Variants in SIRPD observed in about 807,000 individuals in gnomAD.
SIRPD encodes signal-regulatory protein delta.
In SIRPD, 21 loss-of-function variants were observed where a neutral mutation model predicts 18.0. The observed-to-expected ratio is 1.17, with a 90% CI of 0.83 to 1.68. SIRPD has a LOEUF of 1.68. Ranked by LOEUF, SIRPD falls within the 40% of genes most tolerant of loss-of-function variation. The pLI is 0.00. For synonymous variants in SIRPD, 106 were observed against 92.9 expected (o/e 1.14, Z -0.81); for missense variants, 295 against 238.4 (o/e 1.24, Z -1.56).
intron 2 of SIRPD, 40 bp downstream of exon 2, chr20:1,551,651 T>TTATA: frequency 6.8e-7 from 1 of 1,461,944 alleles, no homozygotes; most frequent in South Asian, 1.2e-5. Flanking sequence ...TGAGATGATA[T>TTATA]TATACACCAG....
At chr20:1,537,341 T>C in intron 2 of SIRPD, 31 bp from the exon 3 acceptor site, 6 of 1,603,000 alleles carry the variant, frequency 3.7e-6, no homozygotes, top group Non-Finnish European at 5.1e-6. Context: ...ATGTGTTCCA[T>C]GATATAAGAG....
At position 1,552,007 on chromosome 20, in the gene SIRPD, C is replaced by T. The variant is rs746599602; in HGVS notation, c.105G>A (p.Thr35=). Residue 35 remains threonine (T), a synonymous_variant, in exon 2 of 4, where the codon ACG becomes ACA. Coordinates refer to ENST00000381623, the MANE Select transcript of SIRPD (RefSeq NM_178460.3). ...CAGTTGATACAGTCTGTGACATCTC[C>T]GTTTGTTGCACATGGAACACATGTG... ...GVTHVFHVQQ[T]EMSQTVSTGE... 2.3e-5 allele frequency: 37 copies of T among 1,613,720 alleles called. No homozygotes were observed. Among genetic ancestry groups the T allele is most frequent in the African/African-American group, 8.0e-5 (6 of 74,896 alleles).
At chr20:1,535,851 C>A (rs773049865) in intron 3 of SIRPD, among the ~76,000 whole-genome samples, 2 of 152,144 alleles carry the variant, frequency 1.3e-5, no homozygotes, top group Non-Finnish European at 2.9e-5. Flanking sequence ...TGTTGTGATA[C>A]TGAAACCTGA....
At chr20:1,556,788 C>T (rs56140941) in intron 1 of SIRPD, among the ~76,000 whole-genome samples, 8,355 of 152,290 alleles carry the variant, frequency 0.055, 265 homozygotes, top group Non-Finnish European at 0.075. Context: ...CCTCACAGTC[C>T]TCAGAAAGAA....
chr20:1,547,693 T>A (rs146603216), intron 2 of SIRPD, among the ~76,000 whole-genome samples: 48 of 152,324 alleles, frequency 3.2e-4, no homozygotes, highest in Non-Finnish European at 2.4e-4. Context: ...TAGGTTGGGA[T>A]TCTGATAAGG....
At chr20:1,542,338 C>T (rs141131652) in intron 2 of SIRPD, among the ~76,000 whole-genome samples, 27 of 152,152 alleles carry the variant, frequency 1.8e-4, no homozygotes, top group East Asian at 7.7e-4. Flanking sequence ...TAGTTCTCCT[C>T]AAAGAGGTCC....
In SIRPD at chr20:1,551,615, A is replaced by T; in HGVS notation, c.421+76T>A. The T allele has an allele frequency of 2.6e-6, 3 of 1,149,324 alleles. No homozygotes were observed. The African/African-American group carries it at 4.6e-5, about 18-fold the overall frequency. The allele number at this position is 1,149,324 out of a possible 1,614,324, so 71.2% of individuals were successfully genotyped here. A position where few individuals can be genotyped will look rare whatever the true frequency, so the allele number is the denominator to read the frequency against. ...CAATAATATTTGGCACATAGCAATT[A>T]TTGAATGAATAGAAGACATAACTGC... On this transcript the variant is annotated intron_variant, in intron 2 of 3. Transcript: ENST00000381623.
Position 1,551,951 on chromosome 20 carries a change from G to A in SIRPD, c.161C>T (p.Pro54Leu). ...GACAGGTCCATTTGGTAAGGTATTGGGTACGCTGCAACTCAAGATGATTGA... is the reference window on the plus strand; with the variant it reads ...GACAGGTCCATTTGGTAAGGTATTGAGTACGCTGCAACTCAAGATGATTGA... Reference protein sequence around the residue: ...GESIILSCSVPNTLPNGPVLW... With the variant: ...GESIILSCSVLNTLPNGPVLW... The change falls in exon 2 of 4, where the codon CCC (proline) becomes CTC (leucine). Residue 54 changes from proline (P) to leucine (L), a missense_variant. Coordinates refer to ENST00000381623, the MANE Select transcript of SIRPD (RefSeq NM_178460.3). The A allele has an allele frequency of 6.2e-7, 1 of 1,614,024 alleles. No individual in the cohort carries two copies. The highest frequency in any genetic ancestry group is 8.5e-7 in the Non-Finnish European group (1 of 1,179,980).
At chr20:1,534,705 A>C (rs1185548489) in intron 3 of SIRPD, among the ~76,000 whole-genome samples, 2 of 152,164 alleles carry the variant, frequency 1.3e-5, no homozygotes, top group Non-Finnish European at 2.9e-5. Flanking sequence ...AAACAAGTAA[A>C]GTGGAGATAC....
At chr20:1,543,369 T>C (rs1350646601) in intron 2 of SIRPD, among the ~76,000 whole-genome samples, 1 of 152,216 alleles carries the variant, frequency 6.6e-6, no homozygotes, top group African/African-American at 2.4e-5. Context: ...GGAGGGTGTA[T>C]GTGTCCAAGA....
rs532212430 is a variant in SIRPD, at chr20:1,543,801, T to G, written c.422-6491A>C. ...CACTGCTTTAAATGTGTCCCAGAGA[T>G]TCTGTAAATTGTGTCTTTGTTCTCA... is the stretch of plus-strand genomic sequence containing the variant. On this transcript the variant is annotated intron_variant, in intron 2 of 3. Transcript: ENST00000381623. Among the ~76,000 whole-genome samples, 8 of 152,348 alleles carry G rather than the reference T, an allele frequency of 5.3e-5. No individual in the cohort carries two copies. In the East Asian group the frequency reaches 1.2e-3, roughly 22 times the overall value.
chr20:1,557,343 C>T (rs535699305), intron 1 of SIRPD, among the ~76,000 whole-genome samples: 5 of 152,142 alleles, frequency 3.3e-5, no homozygotes, highest in Non-Finnish European at 5.9e-5. Flanking sequence ...TGTGCCCCGC[C>T]CTGTGACCAT....
chr20:1,552,133 T>G (rs1600073058), intron 1 of SIRPD, 95 bp from the exon 2 acceptor site: 3 of 1,039,008 alleles, frequency 2.9e-6, no homozygotes, highest in Middle Eastern at 2.2e-4. Context: ...ATTCTTTTAA[T>G]GACATGCGCA....
intron 2 of SIRPD, among the ~76,000 whole-genome samples, chr20:1,543,770 T>G (rs564737192): frequency 1.3e-5 from 2 of 152,226 alleles, no homozygotes; most frequent in African/African-American, 4.8e-5. Flanking sequence ...TAAATTTCCC[T>G]CTAAACACTG....
chr20:1,545,865 A>C (rs901729798), intron 2 of SIRPD, among the ~76,000 whole-genome samples: 3 of 152,112 alleles, frequency 2.0e-5, no homozygotes, highest in African/African-American at 7.2e-5. Flanking sequence ...TCCTTTTGAC[A>C]GTCAGGCCAC....
chr20:1,535,730 A>G (rs964633414), intron 3 of SIRPD, among the ~76,000 whole-genome samples: 1 of 152,214 alleles, frequency 6.6e-6, no homozygotes, highest in African/African-American at 2.4e-5. Flanking sequence ...TAAGCAACAG[A>G]AAAAGGACTG....
intron 1 of SIRPD, chr20:1,554,411 T>C (rs1463850459): frequency 6.6e-6 from 1 of 152,554 alleles, no homozygotes; most frequent in Non-Finnish European, 1.5e-5. Context: ...CAGCATCATG[T>C]GATGGCACCA....
intron 3 of SIRPD, among the ~76,000 whole-genome samples, chr20:1,535,607 G>A (rs138470692): frequency 2.0e-5 from 3 of 152,214 alleles, no homozygotes; most frequent in African/African-American, 7.2e-5. Flanking sequence ...GTCCCCACCA[G>A]CAAGAAAGCT....
intron 3 of SIRPD, 101 bp from the exon 4 acceptor site, chr20:1,534,542 G>C: frequency 7.9e-7 from 1 of 1,263,922 alleles, no homozygotes; most frequent in Non-Finnish European, 1.1e-6. Flanking sequence ...ACATGAAAAA[G>C]ATTGCCAATT....
Sources: allele counts gnomAD v4.1 joint callset (sites outside exome capture counted in the v4.1 genomes callset), GRCh38; gene constraint gnomAD v4.1.1; transcripts MANE v1.5; gene names NCBI Gene and HGNC (gene_info 2026-07-23, HGNC 2026-07-21).